AHCY: variants seen among roughly 807,000 people sequenced by gnomAD.
The protein encoded by AHCY is adenosylhomocysteinase, also known as S-adenosyl-L-homocysteine hydrolase.
Under a neutral mutation model 45.4 loss-of-function variants are expected in AHCY, and 24 were observed. That is an observed-to-expected ratio of 0.53 (90% confidence interval 0.38 to 0.74). The LOEUF (loss-of-function observed/expected upper bound fraction) is 0.74, where lower values mean the gene tolerates loss of function less well. Ranked by LOEUF, AHCY falls within the 30% of genes least tolerant of loss-of-function variation. The pLI is 0.00. For synonymous variants in AHCY, 245 were observed against 235.1 expected (o/e 1.04, Z -0.39); for missense variants, 449 against 594.1 (o/e 0.76, Z 2.54).
chr20:34,273,750 T>G, the AHCY span, among the ~76,000 whole-genome samples: 114,703 of 152,116 alleles, frequency 0.75, 46,167 homozygotes, highest in Non-Finnish European at 0.89. Context: ...GAGTTACCCT[T>G]TCTTCTTCCA....
At chr20:34,260,054 A>T in the AHCY span, among the ~76,000 whole-genome samples, 1 of 151,938 alleles carries the variant, frequency 6.6e-6, no homozygotes, top group Non-Finnish European at 1.5e-5. Flanking sequence ...CACAGACATT[A>T]AAAAAACACA....
chr20:34,290,361 C>A lies in AHCY; in HGVS notation c.943G>T (p.Ala315Ser). The change falls in exon 8 of 10, where the codon GCC becomes TCC. Residue 315 changes from alanine to serine, a missense_variant. Coordinates refer to ENST00000217426, the MANE Select transcript of AHCY (RefSeq NM_000687.4). This position sits in a 1 kb window ranked among gnomAD's most constrained non-coding sequence, Gnocchi z 4.5. ...EIDVKWLNENAVEKVNIKPQV... is the reference protein window; with the variant it reads ...EIDVKWLNENSVEKVNIKPQV... ...GGCTTGATGTTCACCTTCTCCACGG[C>A]GTTCTCGTTGAGCCACTTGACATCG... 6.2e-7 allele frequency: 1 copy of A among 1,614,088 alleles called. No individual in the cohort carries two copies. Among genetic ancestry groups the A allele is most frequent in the Non-Finnish European group, 8.5e-7 (1 of 1,180,022 alleles).
chr20:34,251,277 T>TC, the AHCY span, among the ~76,000 whole-genome samples: 2 of 148,888 alleles, frequency 1.3e-5, no homozygotes, highest in African/African-American at 4.9e-5. Flanking sequence ...CTGTGTAACT[T>TC]TTTTTTTTTT....
chr20:34,289,604 A>G (rs181868764), intron 8 of AHCY, among the ~76,000 whole-genome samples: 1 of 150,692 alleles, frequency 6.6e-6, no homozygotes, highest in East Asian at 2.0e-4. Context: ...CAGCCTCCCA[A>G]ATAGCTGGGA....
upstream of AHCY, among the ~76,000 whole-genome samples, chr20:34,305,545 G>T (rs1480358288): frequency 6.6e-6 from 1 of 152,144 alleles, no homozygotes; most frequent in Non-Finnish European, 1.5e-5. Flanking sequence ...GTAGTGAGTC[G>T]TGTCAGTCTA....
At chr20:34,285,123 A>G (rs1455400226) in intron 9 of AHCY, among the ~76,000 whole-genome samples, 1 of 152,180 alleles carries the variant, frequency 6.6e-6, no homozygotes, top group African/African-American at 2.4e-5. Context: ...ATGAAGACAG[A>G]GAAAGAATTT....
At chr20:34,249,482 G>A in the AHCY span, among the ~76,000 whole-genome samples, 1 of 152,148 alleles carries the variant, frequency 6.6e-6, no homozygotes, top group African/African-American at 2.4e-5. Context: ...TAACCACTGT[G>A]TCATATGATC....
At chr20:34,296,065 A>G (rs528152914) in intron 1 of AHCY, among the ~76,000 whole-genome samples, 1 of 152,178 alleles carries the variant, frequency 6.6e-6, no homozygotes, top group Admixed American at 6.5e-5. Context: ...ATCTCCTTTT[A>G]GATGTAAAAA....
At chr20:34,303,145 G>C in intron 1 of AHCY, 98 bp downstream of exon 1, 3 of 1,534,938 alleles carry the variant, frequency 2.0e-6, no homozygotes, top group East Asian at 2.5e-5. Flanking sequence ...GATTCCAGGG[G>C]GTCCAGAGAG....
chr20:34,295,274 C>T (rs932220158), intron 2 of AHCY, 121 bp downstream of exon 2: 2 of 1,202,028 alleles, frequency 1.7e-6, no homozygotes, highest in East Asian at 2.5e-5. Context: ...GAGGGAGGAA[C>T]CCCTCCAGGC....
chr20:34,269,184 C>A, the AHCY span: 1 of 1,486,982 alleles, frequency 6.7e-7, no homozygotes, highest in South Asian at 1.3e-5. Context: ...CCACTCCCGG[C>A]CGCGAGCAGG....
At chr20:34,298,281 G>A (rs1310495324) in intron 1 of AHCY, among the ~76,000 whole-genome samples, 3 of 152,080 alleles carry the variant, frequency 2.0e-5, no homozygotes, top group Admixed American at 2.0e-4. Context: ...TCTTATATAT[G>A]ATTATATATG....
the AHCY span, chr20:34,246,403 C>T: frequency 2.2e-6 from 3 of 1,363,576 alleles, no homozygotes; most frequent in Non-Finnish European, 3.1e-6. Context: ...CAACATCAGG[C>T]ATATATTCAC....
At chr20:34,245,117 C>T in the AHCY span, among the ~76,000 whole-genome samples, 2 of 151,816 alleles carry the variant, frequency 1.3e-5, no homozygotes, top group Non-Finnish European at 2.9e-5. Flanking sequence ...GGGCAAATCA[C>T]GAGGTCAGGA....
Position 34,285,606 on chromosome 20 carries a change from C to G in AHCY, c.1001G>C (p.Arg334Pro). ...ACCCTCGGCCAGCAGGATGATGCGG[C>G]GCCCATTCTTCAACCGATACCGGTC... ...QVDRYRLKNG[R>P]RIILLAEGRL... The change falls in exon 9 of 10, where the codon CGC (arginine) becomes CCC (proline). Residue 334 changes from arginine to proline, a missense_variant. Physicochemically the swap from Arg to Pro is moderately radical, Grantham distance 103 (BLOSUM62 -2). Transcript: ENST00000217426. 15 of 1,613,836 alleles carry G rather than the reference C, an allele frequency of 9.3e-6. No homozygotes were observed. The highest frequency in any genetic ancestry group is 1.3e-5 in the Non-Finnish European group (15 of 1,179,992).
rs530027548 is a variant in AHCY, at chr20:34,294,477, C to T, written c.220-321G>A. Among the ~76,000 whole-genome samples, 4 of 152,272 alleles carry T rather than the reference C, an allele frequency of 2.6e-5. No individual in the cohort carries two copies. In the South Asian group the frequency reaches 8.3e-4, roughly 32 times the overall value. ...AGCAGTGGAGATGATGAGAAGTTGT[C>T]ACATCCTGGGTCTACTCTGAAGGCT... is the stretch of plus-strand genomic sequence containing the variant. On this transcript the variant is annotated intron_variant, in intron 2 of 9. Transcript: ENST00000217426.
At chr20:34,269,773 C>T in the AHCY span, among the ~76,000 whole-genome samples, 4 of 151,326 alleles carry the variant, frequency 2.6e-5, no homozygotes, top group Admixed American at 1.3e-4. Context: ...GGAGAAACCC[C>T]GTCTCTACAA....
chr20:34,261,577 T>C, the AHCY span, among the ~76,000 whole-genome samples: 48 of 152,230 alleles, frequency 3.2e-4, no homozygotes, highest in South Asian at 2.3e-3. Flanking sequence ...GAGCCTACAA[T>C]GAGCCATGAT....
intron 1 of AHCY, chr20:34,302,969 G>C: frequency 2.0e-6 from 2 of 985,458 alleles, no homozygotes; most frequent in Non-Finnish European, 2.4e-6. Context: ...GTGCTCTCCC[G>C]CGGAGCACGC....
Sources: gnomAD v4.1 joint callset for allele counts (sites outside exome capture counted in the v4.1 genomes callset) on GRCh38, gnomAD v4.1.1 for gene constraint, Gnocchi (gnomAD v3.1) non-coding constraint, MANE v1.5 for transcripts, NCBI Gene and HGNC (gene_info 2026-07-23, HGNC 2026-07-21) for gene names.